The following AGAP1 variants were observed in gnomAD, a reference collection of about 807,000 sequenced individuals.
AGAP1 encodes the protein ArfGAP with GTPase domain, ankyrin repeat and PH domain 1.
In AGAP1, 29 loss-of-function variants were observed where a neutral mutation model predicts 105.3. The ratio of observed to expected loss-of-function variants is 0.28; its 90% CI spans 0.21 to 0.38. The LOEUF is 0.38. Ranked by LOEUF, AGAP1 falls within the 10% of genes least tolerant of loss-of-function variation. The pLI is 1.00. For missense variants in AGAP1, 998 were observed against 1,165.1 expected, an observed-to-expected ratio of 0.86 and a Z score of 2.09; for synonymous variants, 509 against 485.9, an observed-to-expected ratio of 1.05 and a Z score of -0.63.
intron 1 of AGAP1, chr2:235,669,676 C>T (rs1948266021): frequency 6.7e-6 from 1 of 148,924 alleles, no homozygotes; most frequent in Non-Finnish European, 1.5e-5. Flanking sequence ...GTGCAGCTGT[C>T]CGCGCGTCCC....
At chr2:235,661,708 C>A (rs1359718047) in intron 1 of AGAP1, among the ~76,000 whole-genome samples, 3 of 152,154 alleles carry the variant, frequency 2.0e-5, no homozygotes, top group Non-Finnish European at 4.4e-5. Flanking sequence ...GATCTGTAGA[C>A]CGTGCTTGGA....
rs1956703228 is a variant in AGAP1 at position 235,787,278 on chromosome 2, C to G, written c.674-10481C>G. The stretch of plus-strand genomic sequence containing the variant: ...TTCTTCATCACGTGCTAATGACTTC[C>G]TGTTCCACAGGCGTAACACTTTCTA... On this transcript the variant is annotated intron_variant, in intron 6 of 17. Coordinates refer to ENST00000304032, the MANE Select transcript of AGAP1 (RefSeq NM_001037131.3). The surrounding 1 kb of genome is among the most constrained non-coding windows in gnomAD (Gnocchi z 4.4). 6.6e-6 allele frequency among the ~76,000 whole-genome samples: 1 copy of G among 152,226 alleles called. No homozygotes were observed. Among genetic ancestry groups the G allele is most frequent in the Non-Finnish European group, 1.5e-5 (1 of 68,044 alleles).
At chr2:236,066,544 A>G (rs2058350853) in intron 16 of AGAP1, among the ~76,000 whole-genome samples, 1 of 152,200 alleles carries the variant, frequency 6.6e-6, no homozygotes, top group Admixed American at 6.5e-5. Context: ...AGAATTTTGA[A>G]TACCTCATTC....
intron 9 of AGAP1, among the ~76,000 whole-genome samples, chr2:235,807,862 GT>G (rs983570446): frequency 6.6e-6 from 1 of 152,146 alleles, no homozygotes; most frequent in African/African-American, 2.4e-5. Context: ...ATTAGGTTCG[GT>G]TTCATTTAGA....
At position 235,979,063 on chromosome 2, in the gene AGAP1, T is replaced by A. The variant is rs1163567127; in HGVS notation, c.1645+10440T>A. ...AGATGCAGTGAACCCAGTTTTTCTGTTCATTTTAAGATTGATATGCTTTTT... is the reference window on the plus strand; with the variant it reads ...AGATGCAGTGAACCCAGTTTTTCTGATCATTTTAAGATTGATATGCTTTTT... On this transcript the variant is annotated intron_variant, in intron 13 of 17. Transcript: ENST00000304032. The surrounding 1 kb of genome is among the most constrained non-coding windows in gnomAD (Gnocchi z 4.5). Among the ~76,000 whole-genome samples the A allele has an allele frequency of 1.3e-5, 2 of 152,074 alleles. No homozygotes were observed. Among genetic ancestry groups the A allele is most frequent in the Non-Finnish European group, 2.9e-5 (2 of 68,028 alleles).
chr2:236,054,969 T>C (rs903937012), intron 16 of AGAP1, among the ~76,000 whole-genome samples: 15 of 152,238 alleles, frequency 9.9e-5, no homozygotes, highest in African/African-American at 3.1e-4. Flanking sequence ...AAGTGAGTAA[T>C]AGAGGCAGAA....
chr2:235,862,858 C>A (rs906108186), intron 9 of AGAP1, among the ~76,000 whole-genome samples: 1 of 152,150 alleles, frequency 6.6e-6, no homozygotes. Flanking sequence ...ACTCACCGTG[C>A]GTGCATTGAG....
At chr2:235,726,176 G>A (rs1951633971) in intron 3 of AGAP1, among the ~76,000 whole-genome samples, 1 of 152,210 alleles carries the variant, frequency 6.6e-6, no homozygotes, top group Non-Finnish European at 1.5e-5. Flanking sequence ...TAACTGTGAT[G>A]CAGGGCTGGG....
rs2057960843 is a variant in AGAP1, at chr2:236,053,298, T to G, written c.2114+4017T>G. On this transcript the variant is annotated intron_variant, in intron 16 of 17. Transcript: ENST00000304032. The surrounding 1 kb of genome is among the most constrained non-coding windows in gnomAD (Gnocchi z 4.6). Reference sequence around the variant, plus strand: ...CGAGTAAATGAGTGAAAGCGGGAACTCGTCATCATGGAACACATGTCAGGT... The same window carrying G: ...CGAGTAAATGAGTGAAAGCGGGAACGCGTCATCATGGAACACATGTCAGGT... Among the ~76,000 whole-genome samples, 1 of 152,234 alleles carries G rather than the reference T, an allele frequency of 6.6e-6. No individual in the cohort carries two copies. Among genetic ancestry groups the G allele is most frequent in the Admixed American group, 6.5e-5 (1 of 15,290 alleles).
Position 235,951,782 on chromosome 2 carries a change from G to T in AGAP1, c.1484-16680G>T, listed in dbSNP as rs543573698. ...GCTGCAGATGAGTTACACCACACCAGTCTCCCAGTCCCATCACACACAGGC... is the reference window on the plus strand; with the variant it reads ...GCTGCAGATGAGTTACACCACACCATTCTCCCAGTCCCATCACACACAGGC... On this transcript the variant is annotated intron_variant, in intron 12 of 17. Transcript: ENST00000304032. This position sits in a 1 kb window ranked among gnomAD's most constrained non-coding sequence, Gnocchi z 4.2. Among the ~76,000 whole-genome samples the T allele has an allele frequency of 6.6e-6, 1 of 152,130 alleles. No individual in the cohort carries two copies. The highest frequency in any genetic ancestry group is 2.4e-5 in the African/African-American group (1 of 41,426).
At chr2:235,681,991 A>G (rs1949100979) in intron 1 of AGAP1, among the ~76,000 whole-genome samples, 1 of 151,734 alleles carries the variant, frequency 6.6e-6, no homozygotes, top group South Asian at 2.1e-4. Context: ...CTGGGATTAC[A>G]GGCATCCGCC....
chr2:235,683,525 T>C (rs1409683169), intron 1 of AGAP1, among the ~76,000 whole-genome samples: 1 of 150,776 alleles, frequency 6.6e-6, no homozygotes, highest in African/African-American at 2.4e-5. Flanking sequence ...TTATAGATTA[T>C]AAAATAAGTT....
Position 236,130,568 on chromosome 2 carries a change from G to A in AGAP1, c.*6446G>A, listed in dbSNP as rs2060069504. The A allele has an allele frequency of 6.6e-6, 1 of 152,312 alleles. No individual in the cohort carries two copies. Among genetic ancestry groups the A allele is most frequent in the African/African-American group, 2.4e-5 (1 of 41,424 alleles). The allele number at this position is 152,312 out of a possible 1,614,324, so 9.4% of individuals were successfully genotyped here. ...CAGGAAGCTAACGTCTGAGCCGCTT[G>A]GAGAGCTTTGGTAAACAGAAGACAC... On this transcript the variant is annotated 3_prime_UTR_variant, in exon 18 of 18. Transcript: ENST00000304032. The surrounding 1 kb of genome is among the most constrained non-coding windows in gnomAD (Gnocchi z 5.8).
rs74387644 is a variant in AGAP1 at position 236,051,802 on chromosome 2, C to A, written c.2114+2521C>A. Reference sequence around the variant, plus strand: ...AGCCAGCAAGGTCTGTGTCCCTTCCCGCTGGAAGGCCAGGGTCCTGGTGGA... The same window carrying A: ...AGCCAGCAAGGTCTGTGTCCCTTCCAGCTGGAAGGCCAGGGTCCTGGTGGA... On this transcript the variant is annotated intron_variant, in intron 16 of 17. Transcript: ENST00000304032. This position sits in a 1 kb window ranked among gnomAD's most constrained non-coding sequence, Gnocchi z 5.9. Among the ~76,000 whole-genome samples, 1,179 of 152,264 alleles carry A rather than the reference C, an allele frequency of 7.7e-3. 20 individuals are homozygous for A. Among genetic ancestry groups the A allele is most frequent in the African/African-American group, 0.026 (1,082 of 41,534 alleles).
chr2:235,533,321 G>C (rs991816531), intron 1 of AGAP1, among the ~76,000 whole-genome samples: 1 of 152,152 alleles, frequency 6.6e-6, no homozygotes, highest in African/African-American at 2.4e-5. Flanking sequence ...TTTGTGGCAG[G>C]CAGGAAATCA....
intron 1 of AGAP1, among the ~76,000 whole-genome samples, chr2:235,672,110 A>G (rs981711056): frequency 6.6e-6 from 1 of 152,162 alleles, no homozygotes; most frequent in African/African-American, 2.4e-5. Flanking sequence ...GTACAGATAA[A>G]GGTAGTTGGA....
chr2:236,023,191 G>T (rs1291240516), intron 13 of AGAP1, among the ~76,000 whole-genome samples: 1 of 152,202 alleles, frequency 6.6e-6, no homozygotes, highest in Non-Finnish European at 1.5e-5. Context: ...CTGGAGAACT[G>T]TGTGAAGAGG....
chr2:235,901,169 A>G lies in AGAP1; in HGVS notation c.1156-7569A>G, dbSNP rs997039434. On this transcript the variant is annotated intron_variant, in intron 10 of 17. Coordinates refer to ENST00000304032, the MANE Select transcript of AGAP1 (RefSeq NM_001037131.3). The surrounding 1 kb of genome is among the most constrained non-coding windows in gnomAD (Gnocchi z 4.3). ...AATGTGGGATGTGAACGTTTGCTTG[A>G]TCTTTTTGAATGGGTGGTCCTATAT... Among the ~76,000 whole-genome samples, 1 of 152,224 alleles carries G rather than the reference A, an allele frequency of 6.6e-6. No individual in the cohort carries two copies. The highest frequency in any genetic ancestry group is 2.4e-5 in the African/African-American group (1 of 41,540).
At chr2:235,999,354 T>G (rs1336199349) in intron 13 of AGAP1, among the ~76,000 whole-genome samples, 1 of 144,660 alleles carries the variant, frequency 6.9e-6, no homozygotes, top group Non-Finnish European at 1.5e-5. Context: ...GTGATGGTGA[T>G]GATGGTAGCA....
Sources: allele counts gnomAD v4.1 joint callset (sites outside exome capture counted in the v4.1 genomes callset), GRCh38; gene constraint gnomAD v4.1.1; non-coding constraint Gnocchi (gnomAD v3.1); transcripts MANE v1.5; gene names NCBI Gene and HGNC (gene_info 2026-07-23, HGNC 2026-07-21).